ZNF343: variants seen among roughly 807,000 people sequenced by gnomAD.
ZNF343 encodes zinc finger protein 343.
Under a neutral mutation model 13.8 loss-of-function variants are expected in ZNF343, and 11 were observed. The ratio of observed to expected loss-of-function variants is 0.80; its 90% CI spans 0.50 to 1.32. The LOEUF is 1.32. Ranked by LOEUF, ZNF343 falls within the 40% of genes most tolerant of loss-of-function variation. The probability of loss-of-function intolerance (pLI) is 0.00; values close to 1 mark genes in which losing one functional copy is unlikely to be tolerated. For missense variants in ZNF343, 658 were observed against 714.2 expected (o/e 0.92, Z 0.90); for synonymous variants, 248 against 260.0 (o/e 0.95, Z 0.44).
At chr20:2,510,773 T>C (rs2085734642), upstream of ZNF343, among the ~76,000 whole-genome samples, 2 of 152,190 alleles carry the variant, frequency 1.3e-5, no homozygotes, top group South Asian at 2.1e-4. Flanking sequence ...AAGGCCTTAA[T>C]TGAGTGCTGC....
intron 5 of ZNF343, among the ~76,000 whole-genome samples, chr20:2,492,333 C>G (rs960889745): frequency 6.6e-6 from 1 of 152,172 alleles, no homozygotes; most frequent in African/African-American, 2.4e-5. Context: ...ACCTACAGTT[C>G]TAACCTCCTC....
intron 5 of ZNF343, among the ~76,000 whole-genome samples, chr20:2,489,269 G>T (rs1204584542): frequency 6.6e-6 from 1 of 152,220 alleles, no homozygotes; most frequent in East Asian, 1.9e-4. Context: ...AGCTGGTAAT[G>T]TGTTAATAAC....
chr20:2,484,140 C>T lies in ZNF343; in HGVS notation c.821G>A (p.Cys274Tyr), dbSNP rs1361669671. ...TGATCTATCTTTAAAGCTTCGCCCA[C>T]AATCACTGCAAATGTAGGGCTTCTT... ...LGKKPYICSD[C>Y]GRSFKDRSTL... The change falls in exon 6 of 6, where the codon TGT (cysteine) becomes TAT (tyrosine). Residue 274 changes from cysteine to tyrosine, a missense_variant. Transcript: ENST00000278772. 1.2e-6 allele frequency: 2 copies of T among 1,614,124 alleles called. No homozygotes were observed. The highest frequency in any genetic ancestry group is 1.1e-5 in the South Asian group (1 of 91,094).
At chr20:2,500,402 G>A (rs2122674087) in intron 2 of ZNF343, among the ~76,000 whole-genome samples, 1 of 152,318 alleles carries the variant, frequency 6.6e-6, no homozygotes, top group African/African-American at 2.4e-5. Flanking sequence ...AAATCCCTGG[G>A]AATCCAGCAG....
Position 2,496,452 on chromosome 20 carries a change from G to A in ZNF343, c.-149-2408C>T, listed in dbSNP as rs546360852. Among the ~76,000 whole-genome samples the A allele has an allele frequency of 2.6e-5, 4 of 152,304 alleles. 1 individual carries two copies. The highest frequency in any genetic ancestry group is 9.6e-5 in the African/African-American group (4 of 41,552). On this transcript the variant is annotated intron_variant, in intron 2 of 5. Coordinates refer to ENST00000278772, the MANE Select transcript of ZNF343 (RefSeq NM_024325.6). ...CAGGGCACAGGTCATGTGCAGCCTT[G>A]AGCATGCTGGTTTTGATGTGGAGGG...
Position 2,493,766 on chromosome 20 carries a change from A to C in ZNF343, c.118+12T>G, listed in dbSNP as rs775209256. 1 of 1,603,054 alleles carries C rather than the reference A, an allele frequency of 6.2e-7. No homozygotes were observed. The highest frequency in any genetic ancestry group is 8.5e-7 in the Non-Finnish European group (1 of 1,170,272). On this transcript the variant is annotated intron_variant, in intron 3 of 5. Transcript: ENST00000278772. The stretch of plus-strand genomic sequence containing the variant: ...TCCTCTTCATCCCTCCGGCTCCCTC[A>C]ACAATTCTCACCTTTCGCTTTATGA...
Position 2,518,898 on chromosome 20 carries a change from C to T in ZNF343, c.-347+5557G>A, listed in dbSNP as rs566077263. ...TGGGGGTGGTTTCATCCATGCTGTC[C>T]TCATGATAGTGAGTTCTCACAAGAT... On this transcript the variant is annotated intron_variant, in intron 1 of 6. Transcript: ENST00000358413. This position sits in a 1 kb window ranked among gnomAD's most constrained non-coding sequence, Gnocchi z 4.6. 2.6e-5 allele frequency among the ~76,000 whole-genome samples: 4 copies of T among 152,278 alleles called. No individual in the cohort carries two copies. Among genetic ancestry groups the T allele is most frequent in the Admixed American group, 1.3e-4 (2 of 15,302 alleles).
At position 2,493,810 on chromosome 20, in the gene ZNF343, A is replaced by T. The variant is rs778959065; in HGVS notation, c.86T>A (p.Met29Lys). The change falls in exon 3 of 6, where the codon ATG (methionine) becomes AAG (lysine). Residue 29 changes from methionine to lysine, a missense_variant. Transcript: ENST00000278772. ...TTTATGATTTTGGGTCAATTTCTTC[A>T]TAGTCTCTACATTTTCCCCATTCTT... ...LPKNGENVET[M>K]KKLTQNHKAK... 1 of 1,613,774 alleles carries T rather than the reference A, an allele frequency of 6.2e-7. No individual in the cohort carries two copies. The highest frequency in any genetic ancestry group is 1.7e-5 in the Admixed American group (1 of 60,010).
upstream of ZNF343, among the ~76,000 whole-genome samples, chr20:2,509,369 C>T (rs776946307): frequency 6.6e-6 from 1 of 152,204 alleles, no homozygotes; most frequent in Non-Finnish European, 1.5e-5. Flanking sequence ...CTGTGACACA[C>T]AGGCAGGGCA....
chr20:2,487,984 C>T (rs1194130434), intron 5 of ZNF343, among the ~76,000 whole-genome samples: 1 of 152,124 alleles, frequency 6.6e-6, no homozygotes, highest in Non-Finnish European at 1.5e-5. Flanking sequence ...AGGTATTTTG[C>T]CTATTTTCTT....
At chr20:2,494,183 G>T in intron 2 of ZNF343, 139 bp from the exon 3 acceptor site, 1 of 322,670 alleles carries the variant, frequency 3.1e-6, no homozygotes, top group Non-Finnish European at 5.7e-6. Flanking sequence ...TGGGATCCCT[G>T]GATTTTCTAC....
At chr20:2,494,067 G>A in intron 2 of ZNF343, 23 bp from the exon 3 acceptor site, 2 of 605,688 alleles carry the variant, frequency 3.3e-6, no homozygotes, top group Non-Finnish European at 5.9e-6. Context: ...GAAGCAATTT[G>A]CTATTGCTGG....
rs536827732 is a variant in ZNF343 at position 2,483,324 on chromosome 20, T to C, written c.1637A>G (p.Glu546Gly). 229 of 1,611,534 alleles carry C rather than the reference T, an allele frequency of 1.4e-4. 1 individual carries two copies. The South Asian group carries it at 2.4e-3, about 17-fold the overall frequency. Residue 546 changes from glutamate (E) to glycine (G), a missense_variant, in exon 6 of 6, where the codon GAG becomes GGG. Physicochemically the swap from Glu to Gly is moderately conservative, Grantham distance 98. Coordinates refer to ENST00000278772, the MANE Select transcript of ZNF343 (RefSeq NM_024325.6). The stretch of plus-strand genomic sequence containing the variant: ...ACACTCACTGCACACGTAAGGCTTC[T>C]CTCCTGAGTGTGTCCTCTCATGTAC... ...LIVHERTHSGEKPYVCSECGR... is the reference protein window; with the variant it reads ...LIVHERTHSGGKPYVCSECGR...
At position 2,484,423 on chromosome 20, in the gene ZNF343, A is replaced by T; in HGVS notation, c.538T>A (p.Trp180Arg). ...GQERGGGSKP[W>R]SARTEERETS... Reference sequence around the variant, plus strand: ...TCTCTCTCCTCTGTCCTTGCAGACCAGGGTTTGGAGCCACCTCCTCTCTCC... The same window carrying T: ...TCTCTCTCCTCTGTCCTTGCAGACCTGGGTTTGGAGCCACCTCCTCTCTCC... Residue 180 changes from tryptophan to arginine, a missense_variant, in exon 6 of 6, where the codon TGG becomes AGG. Transcript: ENST00000278772. 1 of 1,614,176 alleles carries T rather than the reference A, an allele frequency of 6.2e-7. No individual in the cohort carries two copies. The highest frequency in any genetic ancestry group is 1.1e-5 in the South Asian group (1 of 91,084).
At chr20:2,522,790 GAC>G (rs1306339706) in intron 1 of ZNF343, among the ~76,000 whole-genome samples, 1 of 152,118 alleles carries the variant, frequency 6.6e-6, no homozygotes, top group Non-Finnish European at 1.5e-5. Flanking sequence ...CTCTACAAAA[GAC>G]ACAAAAAAAT....
chr20:2,522,220 A>G (rs1017342612), intron 1 of ZNF343, among the ~76,000 whole-genome samples: 1 of 152,226 alleles, frequency 6.6e-6, no homozygotes, highest in Non-Finnish European at 1.5e-5. Flanking sequence ...CATGGAGTCT[A>G]ATTCCACATA....
chr20:2,504,102 G>C (rs2085615325), intron 1 of ZNF343, among the ~76,000 whole-genome samples: 1 of 152,128 alleles, frequency 6.6e-6, no homozygotes, highest in South Asian at 2.1e-4. Flanking sequence ...GAATCAAATA[G>C]ACGCAATAAA....
Position 2,493,803 on chromosome 20 carries a change from T to C in ZNF343, c.93A>G (p.Lys31=). The C allele has an allele frequency of 6.2e-7, 1 of 1,613,676 alleles. No individual in the cohort carries two copies. The highest frequency in any genetic ancestry group is 8.5e-7 in the Non-Finnish European group (1 of 1,179,658). ...CTTTCGCTTTATGATTTTGGGTCAA[T>C]TTCTTCATAGTCTCTACATTTTCCC... ...KNGENVETMK[K]LTQNHKAKGL... The change falls in exon 3 of 6, where the codon AAA becomes AAG. Residue 31 remains lysine, a synonymous_variant. Coordinates refer to ENST00000278772, the MANE Select transcript of ZNF343 (RefSeq NM_024325.6).
intron 1 of ZNF343, among the ~76,000 whole-genome samples, chr20:2,505,267 A>G (rs1452075053): frequency 2.0e-5 from 3 of 152,226 alleles, no homozygotes; most frequent in African/African-American, 7.2e-5. Flanking sequence ...GACCTCTTCA[A>G]GGAGAACTAC....
Sources: gnomAD v4.1 joint callset for allele counts (sites outside exome capture counted in the v4.1 genomes callset) on GRCh38, gnomAD v4.1.1 for gene constraint, Gnocchi (gnomAD v3.1) non-coding constraint, MANE v1.5 for transcripts, NCBI Gene and HGNC (gene_info 2026-07-23, HGNC 2026-07-21) for gene names.